The following NRXN1 variants were observed in gnomAD, a reference collection of about 807,000 sequenced individuals.
The protein encoded by NRXN1 is neurexin 1, also known as neurexin-1.
A neutral mutation model predicts 150.9 loss-of-function variants in NRXN1; 39 were observed. That is an observed-to-expected ratio of 0.26 (90% confidence interval 0.20 to 0.34). The LOEUF is 0.34. Among genes scored for constraint, NRXN1 ranks in the 10% least tolerant of loss-of-function variants. NRXN1 has a pLI of 1.00. For synonymous variants in NRXN1, 924 were observed against 757.0 expected (o/e 1.22, Z -3.62); for missense variants, 1,815 against 1,949.9 (o/e 0.93, Z 1.30).
chr2:49,923,125 G>A (rs1032107269), intron 22 of NRXN1, among the ~76,000 whole-genome samples: 6 of 152,176 alleles, frequency 3.9e-5, no homozygotes, highest in East Asian at 1.9e-4. Context: ...GGGTGCCTAC[G>A]TCTTCTTGAA....
chr2:50,204,816 T>C (rs551229467), intron 18 of NRXN1, among the ~76,000 whole-genome samples: 107 of 152,142 alleles, frequency 7.0e-4, no homozygotes, highest in Non-Finnish European at 1.2e-3. Flanking sequence ...AAATGTTTTC[T>C]GGCATACCAA....
intron 17 of NRXN1, among the ~76,000 whole-genome samples, chr2:50,344,617 A>G (rs1294248825): frequency 1.3e-5 from 2 of 152,094 alleles, no homozygotes; most frequent in African/African-American, 2.4e-5. Context: ...TTTTTCATTC[A>G]CATGCAGAGA....
intron 5 of NRXN1, among the ~76,000 whole-genome samples, chr2:50,910,509 T>C (rs1684371559): frequency 6.6e-6 from 1 of 151,874 alleles, no homozygotes; most frequent in Non-Finnish European, 1.5e-5. Flanking sequence ...TCTACTTAAC[T>C]CCAGTCTCCA....
At chr2:50,376,385 A>G (rs546867885) in intron 17 of NRXN1, among the ~76,000 whole-genome samples, 1 of 150,280 alleles carries the variant, frequency 6.7e-6, no homozygotes, top group African/African-American at 2.4e-5. Context: ...AAAAAAAGAG[A>G]GGGAAATTAT....
chr2:50,984,294 G>T (rs753708879), intron 2 of NRXN1, among the ~76,000 whole-genome samples: 1 of 151,250 alleles, frequency 6.6e-6, no homozygotes, highest in Non-Finnish European at 1.5e-5. Context: ...TCTGTATTAG[G>T]CTGCCCAGTC....
chr2:50,243,796 T>C (rs2066253747), intron 17 of NRXN1, among the ~76,000 whole-genome samples: 1 of 151,738 alleles, frequency 6.6e-6, no homozygotes. Flanking sequence ...AGAAGAGTAT[T>C]CCTCTTCAAT....
intron 17 of NRXN1, among the ~76,000 whole-genome samples, chr2:50,390,930 A>C (rs2081647074): frequency 6.6e-6 from 1 of 152,174 alleles, no homozygotes; most frequent in Admixed American, 6.5e-5. Flanking sequence ...AAGAAAATAA[A>C]TCATATTAGT....
chr2:50,301,270 A>G (rs887770378), intron 17 of NRXN1, among the ~76,000 whole-genome samples: 4 of 152,200 alleles, frequency 2.6e-5, no homozygotes, highest in Non-Finnish European at 4.4e-5. Context: ...GAGTGCTTTT[A>G]CTATATTAAC....
intron 18 of NRXN1, among the ~76,000 whole-genome samples, chr2:50,122,988 A>G (rs928530500): frequency 4.6e-5 from 7 of 152,218 alleles, no homozygotes; most frequent in African/African-American, 1.7e-4. Context: ...TCTGTTTGCT[A>G]GAGCGATAGA....
intron 18 of NRXN1, among the ~76,000 whole-genome samples, chr2:50,147,169 G>A (rs2058390736): frequency 6.6e-6 from 1 of 151,690 alleles, no homozygotes; most frequent in Non-Finnish European, 1.5e-5. Context: ...AAGCATTGCA[G>A]TTATGCAAAT....
intron 21 of NRXN1, among the ~76,000 whole-genome samples, chr2:49,976,417 G>C (rs768046502): frequency 4.6e-5 from 7 of 152,056 alleles, no homozygotes; most frequent in Non-Finnish European, 8.8e-5. Flanking sequence ...GAGTTCAAAG[G>C]TAGGACTGAG....
rs371669906 is a variant in NRXN1 at position 50,486,611 on chromosome 2, C to A, written c.3070+9294G>T. On this transcript the variant is annotated intron_variant, in intron 15 of 22. Coordinates refer to ENST00000401669, the MANE Select transcript of NRXN1 (RefSeq NM_001330078.2). Reference sequence around the variant, plus strand: ...ACAGTCCCAGAACTCTAAGGGGAAGCCAGTGGTGAGAGGCCTAAGGAGTCT... The same window carrying A: ...ACAGTCCCAGAACTCTAAGGGGAAGACAGTGGTGAGAGGCCTAAGGAGTCT... 3.9e-4 allele frequency among the ~76,000 whole-genome samples: 60 copies of A among 152,102 alleles called. 1 individual carries two copies. The South Asian group carries it at 9.8e-3, about 25-fold the overall frequency.
At chr2:50,649,127 T>C (rs1685219666) in intron 5 of NRXN1, among the ~76,000 whole-genome samples, 1 of 151,952 alleles carries the variant, frequency 6.6e-6, no homozygotes, top group Admixed American at 6.6e-5. Context: ...TATGAACCCA[T>C]AGGACTGATG....
intron 2 of NRXN1, among the ~76,000 whole-genome samples, chr2:50,987,790 A>T (rs982511041): frequency 8.5e-5 from 13 of 152,048 alleles, no homozygotes; most frequent in African/African-American, 2.9e-4. Flanking sequence ...AGATTAATGG[A>T]TAGCTAAGTA....
intron 5 of NRXN1, among the ~76,000 whole-genome samples, chr2:50,904,987 T>C (rs1051084278): frequency 1.3e-5 from 2 of 152,112 alleles, no homozygotes; most frequent in Non-Finnish European, 2.9e-5. Flanking sequence ...CTTCATTCAT[T>C]CATTTTTTTT....
At position 50,956,542 on chromosome 2, in the gene NRXN1, G is replaced by A. The variant is rs191752282; in HGVS notation, c.773-30587C>T. On this transcript the variant is annotated intron_variant, in intron 2 of 22. Transcript: ENST00000401669. ...GTGGGCAAACTGCTTGAGCCCCAGA[G>A]TTCAAAACCAGCCTGGCCAATGTGG... is the stretch of plus-strand genomic sequence containing the variant. Among the ~76,000 whole-genome samples the A allele has an allele frequency of 9.2e-5, 14 of 152,090 alleles. No individual in the cohort carries two copies. The East Asian group carries it at 2.7e-3, about 30-fold the overall frequency.
rs66612444 is a variant in NRXN1 at position 49,920,697 on chromosome 2, CGTGTGTGTGTGTGTGTGTGTGTGTGT to C, written c.*1221_*1246del. On this transcript the variant is annotated 3_prime_UTR_variant, in exon 23 of 23. Transcript: ENST00000401669. ...CATATCTGATGGATTGCTGTGGATT[CGTGTGTGTGTGTGTGTGTGTGTGTGT>C]GTGTGTGTGTGTGTGTGTGTGAAAA... 6.3e-5 allele frequency: 9 copies of C among 142,958 alleles called. No individual in the cohort carries two copies. Among genetic ancestry groups the C allele is most frequent in the South Asian group, 2.3e-4 (1 of 4,366 alleles). 8.9% of individuals were successfully genotyped at this position (142,958 alleles called of 1,614,324 possible). A position where few individuals can be genotyped will look rare whatever the true frequency, so the allele number is the denominator to read the frequency against.
At chr2:50,742,494 G>A (rs549695909) in intron 5 of NRXN1, among the ~76,000 whole-genome samples, 514 of 151,440 alleles carry the variant, frequency 3.4e-3, no homozygotes, top group Non-Finnish European at 4.8e-3. Flanking sequence ...TGTAATTCCA[G>A]CTACTTGGGA....
intron 8 of NRXN1, among the ~76,000 whole-genome samples, chr2:50,582,071 G>T (rs187652799): frequency 2.6e-5 from 4 of 151,950 alleles, no homozygotes; most frequent in South Asian, 2.1e-4. Context: ...CCCCCTGTTC[G>T]CACCAATTTA....
Sources: allele counts gnomAD v4.1 joint callset (sites outside exome capture counted in the v4.1 genomes callset), GRCh38; gene constraint gnomAD v4.1.1; transcripts MANE v1.5; gene names NCBI Gene and HGNC (gene_info 2026-07-23, HGNC 2026-07-21).